Variants in AGBL1 observed in about 807,000 individuals in gnomAD.
The protein encoded by AGBL1 is AGBL carboxypeptidase 1.
Under a neutral mutation model 118.9 loss-of-function variants are expected in AGBL1, and 130 were observed. The observed-to-expected ratio is 1.09, with a 90% CI of 0.95 to 1.26. The LOEUF is 1.26. Among genes scored for constraint, AGBL1 ranks in the 50% most tolerant of loss-of-function variants. AGBL1 has a pLI of 0.00. For synonymous variants in AGBL1, 555 were observed against 478.9 expected (o/e 1.16, Z -2.08); for missense variants, 1,584 against 1,298.1 (o/e 1.22, Z -3.38).
At chr15:86,229,774 A>T (rs1271622189) in intron 6 of AGBL1, among the ~76,000 whole-genome samples, 1 of 152,208 alleles carries the variant, frequency 6.6e-6, no homozygotes, top group East Asian at 1.9e-4. Context: ...CAATGGGATT[A>T]TGCCTGATTT....
intron 18 of AGBL1, among the ~76,000 whole-genome samples, chr15:86,439,241 A>G (rs2082033982): frequency 6.6e-6 from 1 of 152,136 alleles, no homozygotes; most frequent in Non-Finnish European, 1.5e-5. Flanking sequence ...AGTGTGTGTT[A>G]TCTGCCAATA....
chr15:86,334,858 T>G (rs924414734), intron 17 of AGBL1, among the ~76,000 whole-genome samples: 1 of 151,972 alleles, frequency 6.6e-6, no homozygotes, highest in South Asian at 2.1e-4. Context: ...ATAATGCCAT[T>G]GACCAAGACG....
chr15:86,152,460 A>G (rs976673261), intron 3 of AGBL1, among the ~76,000 whole-genome samples: 1 of 152,238 alleles, frequency 6.6e-6, no homozygotes, highest in African/African-American at 2.4e-5. Flanking sequence ...CTGGCCAGCG[A>G]TATGTAGAAA....
intron 17 of AGBL1, chr15:86,296,994 T>C (rs1046387590): frequency 3.3e-5 from 5 of 152,170 alleles, no homozygotes; most frequent in African/African-American, 1.2e-4. Context: ...CTGTTATAAA[T>C]GTGGAGAGTA....
chr15:86,545,949 A>T, intron 19 of AGBL1, 53 bp from the exon 20 acceptor site: 1 of 1,582,144 alleles, frequency 6.3e-7, no homozygotes, highest in Non-Finnish European at 8.6e-7. Context: ...AGTGGATTTA[A>T]GAAACCAATG....
rs189950689 is a variant in AGBL1, at chr15:86,095,793, A to G, written c.51+15770A>G. Among the ~76,000 whole-genome samples the G allele has an allele frequency of 1.1e-4, 17 of 151,850 alleles. No individual in the cohort carries two copies. The East Asian group carries it at 2.3e-3, about 21-fold the overall frequency. ...GAGACCTTGGAGGAACATGTCCAGCATCCACTACATGTGATTACTGATAAG... is the reference window on the plus strand; with the variant it reads ...GAGACCTTGGAGGAACATGTCCAGCGTCCACTACATGTGATTACTGATAAG... On this transcript the variant is annotated intron_variant, in intron 1 of 22. Coordinates refer to ENST00000614907, the MANE Select transcript of AGBL1 (RefSeq NM_001386094.1).
At chr15:87,027,592 T>C (rs1468225902) in intron 24 of AGBL1, among the ~76,000 whole-genome samples, 1 of 151,982 alleles carries the variant, frequency 6.6e-6, no homozygotes, top group Non-Finnish European at 1.5e-5. Context: ...TTTATGTTCA[T>C]GGCAGCACTA....
chr15:86,863,561 T>C (rs1348078773), intron 22 of AGBL1, among the ~76,000 whole-genome samples: 1 of 152,136 alleles, frequency 6.6e-6, no homozygotes, highest in African/African-American at 2.4e-5. Context: ...GCCCTCATTT[T>C]CCCTTGCTGT....
At chr15:86,266,967 A>C (rs757269846) in intron 12 of AGBL1, 23 bp from the exon 13 acceptor site, 1 of 1,514,966 alleles carries the variant, frequency 6.6e-7, no homozygotes, top group Non-Finnish European at 9.0e-7. Context: ...ACATATGTTC[A>C]CATGTTCCTT....
At chr15:86,430,052 G>C (rs1449306062) in intron 18 of AGBL1, among the ~76,000 whole-genome samples, 1 of 152,144 alleles carries the variant, frequency 6.6e-6, no homozygotes, top group African/African-American at 2.4e-5. Flanking sequence ...CGAAGACATT[G>C]CGAATCAAAG....
At chr15:86,565,506 G>A (rs1332238440) in intron 21 of AGBL1, among the ~76,000 whole-genome samples, 2 of 152,206 alleles carry the variant, frequency 1.3e-5, no homozygotes, top group South Asian at 2.1e-4. Context: ...TGTCTCAGAG[G>A]GGTACCCAGC....
intron 19 of AGBL1, among the ~76,000 whole-genome samples, chr15:86,540,814 G>A (rs919505748): frequency 3.3e-5 from 5 of 152,150 alleles, no homozygotes; most frequent in Admixed American, 1.3e-4. Flanking sequence ...CAGGGATATC[G>A]TTTGAGAAAC....
At chr15:86,397,216 C>T in intron 17 of AGBL1, 150 bp from the exon 18 acceptor site, 1 of 551,238 alleles carries the variant, frequency 1.8e-6, no homozygotes, top group Non-Finnish European at 2.9e-6. Context: ...AAACTGAAAA[C>T]ATTGAAGGAA....
At chr15:86,780,887 T>G (rs1316005926) in intron 22 of AGBL1, among the ~76,000 whole-genome samples, 5 of 152,050 alleles carry the variant, frequency 3.3e-5, no homozygotes, top group African/African-American at 1.2e-4. Flanking sequence ...TGTCTGATTT[T>G]GAACTCCTGA....
chr15:86,223,201 A>G (rs1042389255), intron 5 of AGBL1, among the ~76,000 whole-genome samples: 1 of 152,108 alleles, frequency 6.6e-6, no homozygotes, highest in African/African-American at 2.4e-5. Context: ...CCATTATCTA[A>G]TGGATCATTA....
intron 21 of AGBL1, among the ~76,000 whole-genome samples, chr15:86,663,352 C>A (rs559216985): frequency 6.6e-6 from 1 of 152,282 alleles, no homozygotes; most frequent in Admixed American, 6.5e-5. Context: ...GGGAGAGCAG[C>A]ACCTTTCTCC....
intron 22 of AGBL1, among the ~76,000 whole-genome samples, chr15:86,860,024 A>G (rs1302422630): frequency 6.6e-6 from 1 of 152,200 alleles, no homozygotes. Flanking sequence ...AGTTTTGCCT[A>G]GGTCTAGTCT....
At chr15:86,430,452 G>A (rs189490628) in intron 18 of AGBL1, among the ~76,000 whole-genome samples, 31 of 148,408 alleles carry the variant, frequency 2.1e-4, no homozygotes, top group African/African-American at 5.7e-4. Context: ...CCGAGATCAC[G>A]CCACTGCACT....
intron 22 of AGBL1, among the ~76,000 whole-genome samples, chr15:86,846,617 T>G (rs945222123): frequency 1.3e-5 from 2 of 152,172 alleles, no homozygotes; most frequent in Non-Finnish European, 2.9e-5. Flanking sequence ...CTGCAACCTC[T>G]GCCTCCCGGG....
Sources: gnomAD v4.1 joint callset for allele counts (sites outside exome capture counted in the v4.1 genomes callset) on GRCh38, gnomAD v4.1.1 for gene constraint, MANE v1.5 for transcripts, NCBI Gene and HGNC (gene_info 2026-07-23, HGNC 2026-07-21) for gene names.